SPDYE5: variants seen among roughly 807,000 people sequenced by gnomAD.
SPDYE5 encodes the protein speedy/RINGO cell cycle regulator family member E5.
Under a neutral mutation model 48.5 loss-of-function variants are expected in SPDYE5, and 15 were observed. The ratio of observed to expected loss-of-function variants is 0.31; its 90% CI spans 0.21 to 0.48. The LOEUF is 0.48. Ranked by LOEUF, SPDYE5 falls within the 20% of genes least tolerant of loss-of-function variation. The pLI, the probability that SPDYE5 is intolerant of heterozygous loss-of-function variation, is 0.99. For missense variants in SPDYE5, 331 were observed against 549.1 expected, an observed-to-expected ratio of 0.60 and a Z score of 3.97; for synonymous variants, 116 against 200.7, an observed-to-expected ratio of 0.58 and a Z score of 3.57.
At chr7:75,498,220 G>A (rs1458201633) in intron 5 of SPDYE5, among the ~76,000 whole-genome samples, 1 of 146,774 alleles carries the variant, frequency 6.8e-6, no homozygotes, top group Admixed American at 7.0e-5. Flanking sequence ...TGCCTCCCGG[G>A]TTCAAGCGAT....
At chr7:75,498,978 AC>A (rs1793043752) in intron 5 of SPDYE5, among the ~76,000 whole-genome samples, 1 of 144,580 alleles carries the variant, frequency 6.9e-6, no homozygotes, top group African/African-American at 2.4e-5. Flanking sequence ...ACCTAGACAC[AC>A]CCCCTCCAAA....
intron 6 of SPDYE5, among the ~76,000 whole-genome samples, chr7:75,500,888 A>G (rs1352430934): frequency 6.6e-6 from 1 of 151,982 alleles, no homozygotes; most frequent in Non-Finnish European, 1.5e-5. Flanking sequence ...TTGTATTTTT[A>G]GTAGAGATGG....
At chr7:75,502,159 A>C (rs1554483703) in intron 8 of SPDYE5, among the ~76,000 whole-genome samples, 177 bp downstream of exon 8, 1 of 151,784 alleles carries the variant, frequency 6.6e-6, no homozygotes, top group Non-Finnish European at 1.5e-5. Context: ...ACTACTCAGG[A>C]GGCTGAGGCG....
At position 75,494,123 on chromosome 7, in the gene SPDYE5, C is replaced by G; in HGVS notation, c.76C>G (p.Pro26Ala). 5.2e-6 allele frequency: 8 copies of G among 1,535,426 alleles called. No homozygotes were observed. Among genetic ancestry groups the G allele is most frequent in the Non-Finnish European group, 7.0e-6 (8 of 1,146,844 alleles). ...EKITTSRQPQPQNEQSPQRST... is the reference protein window; with the variant it reads ...EKITTSRQPQAQNEQSPQRST... Reference sequence around the variant, plus strand: ...GATCACGACCAGCCGTCAACCGCAACCCCAGAATGAGCAGAGTCCCCAGCG... The same window carrying G: ...GATCACGACCAGCCGTCAACCGCAAGCCCAGAATGAGCAGAGTCCCCAGCG... Residue 26 changes from proline (P) to alanine (A), a missense_variant, in exon 2 of 9, where the codon CCC (proline) becomes GCC (alanine). Physicochemically the swap from Pro to Ala is conservative, Grantham distance 27. Transcript: ENST00000625065.
intron 6 of SPDYE5, 66 bp from the exon 7 acceptor site, chr7:75,501,296 A>G: frequency 6.2e-7 from 1 of 1,608,602 alleles, no homozygotes; most frequent in Non-Finnish European, 8.5e-7. Context: ...CTCTCTGGGA[A>G]GCTGACCTCA....
chr7:75,498,220 G>C (rs1458201633), intron 5 of SPDYE5, among the ~76,000 whole-genome samples: 1 of 146,774 alleles, frequency 6.8e-6, no homozygotes. Flanking sequence ...TGCCTCCCGG[G>C]TTCAAGCGAT....
intron 1 of SPDYE5, among the ~76,000 whole-genome samples, chr7:75,493,084 G>A (rs1792795930): frequency 6.6e-6 from 1 of 152,182 alleles, no homozygotes; most frequent in South Asian, 2.1e-4. Context: ...TTACAAGCAT[G>A]AGCCACTGTG....
At chr7:75,496,511 G>A (rs1792939384) in intron 3 of SPDYE5, among the ~76,000 whole-genome samples, 163 bp from the exon 4 acceptor site, 1 of 146,848 alleles carries the variant, frequency 6.8e-6, no homozygotes. Context: ...AGAAGGAGCA[G>A]CACATGGAGC....
upstream of SPDYE5, among the ~76,000 whole-genome samples, chr7:75,491,748 T>G (rs1276033120): frequency 1.5e-5 from 2 of 136,292 alleles, no homozygotes; most frequent in Non-Finnish European, 3.1e-5. Context: ...TGTCTCGCTC[T>G]GTCACCCAGG....
Position 75,494,331 on chromosome 7 carries a change from A to T in SPDYE5, c.160+124A>T, listed in dbSNP as rs1792844694. The stretch of plus-strand genomic sequence containing the variant: ...GAGGCCGAGGCGGGCGGATCACCTG[A>T]GGTCAGGAGTTCAAGGCCAGCCTGG... On this transcript the variant is annotated intron_variant, in intron 2 of 8. Coordinates refer to ENST00000625065, the MANE Select transcript of SPDYE5 (RefSeq NM_001306141.4). The T allele has an allele frequency of 2.2e-6, 3 of 1,351,132 alleles. No homozygotes were observed. In the South Asian group the frequency reaches 4.4e-5, roughly 20 times the overall value. The allele number at this position is 1,351,132 out of a possible 1,614,324, so 83.7% of individuals were successfully genotyped here. A position where few individuals can be genotyped will look rare whatever the true frequency, so the allele number is the denominator to read the frequency against.
At chr7:75,493,067 G>A (rs1221810986) in intron 1 of SPDYE5, among the ~76,000 whole-genome samples, 1 of 152,138 alleles carries the variant, frequency 6.6e-6, no homozygotes, top group Non-Finnish European at 1.5e-5. Context: ...CACCCAAAGT[G>A]CTGGGATTAC....
chr7:75,498,045 G>A, intron 5 of SPDYE5, 49 bp downstream of exon 5: 2 of 1,596,586 alleles, frequency 1.3e-6, no homozygotes, highest in Non-Finnish European at 1.7e-6. Context: ...CATGGCTCGG[G>A]GGAGGGCGCA....
rs1361493627 is a variant in SPDYE5, at chr7:75,504,071, T to C, written c.*1284T>C. On this transcript the variant is annotated 3_prime_UTR_variant, in exon 9 of 9. Coordinates refer to ENST00000625065, the MANE Select transcript of SPDYE5 (RefSeq NM_001306141.4). ...TTAGTTAACATATATATTACATTTA[T>C]AGCTATGTAGTAGTTCCCCTAAATT... 3.3e-5 allele frequency: 5 copies of C among 152,134 alleles called. No homozygotes were observed. Among genetic ancestry groups the C allele is most frequent in the African/African-American group, 4.8e-5 (2 of 41,460 alleles). 9.4% of individuals were successfully genotyped at this position (152,134 alleles called of 1,614,324 possible). A position where few individuals can be genotyped will look rare whatever the true frequency, so the allele number is the denominator to read the frequency against.
chr7:75,493,925 T>C lies in SPDYE5; in HGVS notation c.-123T>C, dbSNP rs2116593304. 1.3e-6 allele frequency: 2 copies of C among 1,487,768 alleles called. No individual in the cohort carries two copies. Among genetic ancestry groups the C allele is most frequent in the Non-Finnish European group, 1.8e-6 (2 of 1,121,122 alleles). 92.2% of individuals were successfully genotyped at this position (1,487,768 alleles called of 1,614,324 possible). A position where few individuals can be genotyped will look rare whatever the true frequency, so the allele number is the denominator to read the frequency against. ...TCCTGATTGGAGGGACCGGACTCCG[T>C]GGTGCCTGGAGATCAGTTGGACAAC... is the stretch of plus-strand genomic sequence containing the variant. On this transcript the variant is annotated 5_prime_UTR_variant, in exon 2 of 9. Transcript: ENST00000625065.
intron 8 of SPDYE5, among the ~76,000 whole-genome samples, 160 bp from the exon 9 acceptor site, chr7:75,502,673 T>C (rs1793198905): frequency 6.6e-6 from 1 of 151,588 alleles, no homozygotes; most frequent in African/African-American, 2.4e-5. Flanking sequence ...AGTTTCACAG[T>C]TGAACACCAA....
chr7:75,497,047 G>C, intron 4 of SPDYE5, 143 bp downstream of exon 4: 1 of 622,480 alleles, frequency 1.6e-6, no homozygotes, highest in Non-Finnish European at 2.8e-6. Context: ...GATCACTCAT[G>C]AGGGACACTT....
Position 75,493,968 on chromosome 7 carries a change from G to C in SPDYE5, c.-80G>C, listed in dbSNP as rs1347432139. The C allele has an allele frequency of 5.9e-5, 90 of 1,516,974 alleles. No homozygotes were observed. In the African/African-American group the frequency reaches 9.3e-4, roughly 16 times the overall value. 94.0% of individuals were successfully genotyped at this position (1,516,974 alleles called of 1,614,324 possible). On this transcript the variant is annotated 5_prime_UTR_variant, in exon 2 of 9. Coordinates refer to ENST00000625065, the MANE Select transcript of SPDYE5 (RefSeq NM_001306141.4). ...TGGACAACAGTATCTTCTCAGAGCT[G>C]TTCTCCACTCCTGACTTCTCCTAGG...
At chr7:75,500,818 T>TA (rs1369424649) in intron 6 of SPDYE5, among the ~76,000 whole-genome samples, 2 of 152,068 alleles carry the variant, frequency 1.3e-5, no homozygotes, top group Non-Finnish European at 2.9e-5. Context: ...ACACAATTCT[T>TA]ATGCTTCAGC....
At chr7:75,493,086 G>A (rs1311203564) in intron 1 of SPDYE5, among the ~76,000 whole-genome samples, 1 of 152,184 alleles carries the variant, frequency 6.6e-6, no homozygotes, top group Non-Finnish European at 1.5e-5. Context: ...ACAAGCATGA[G>A]CCACTGTGCA....
Sources: allele counts gnomAD v4.1 joint callset (sites outside exome capture counted in the v4.1 genomes callset), GRCh38; gene constraint gnomAD v4.1.1; transcripts MANE v1.5; gene names NCBI Gene and HGNC (gene_info 2026-07-23, HGNC 2026-07-21).